The following BOP1 variants were observed in gnomAD, a reference collection of about 807,000 sequenced individuals.
BOP1 encodes the protein BOP1 ribosomal biogenesis factor.
A neutral mutation model predicts 82.9 loss-of-function variants in BOP1; 54 were observed. The observed-to-expected ratio is 0.65, with a 90% confidence interval of 0.52 to 0.82. The LOEUF is 0.82. Among genes scored for constraint, BOP1 ranks in the 40% least tolerant of loss-of-function variants. The probability of loss-of-function intolerance (pLI) is 0.00; values close to 1 mark genes in which losing one functional copy is unlikely to be tolerated. For synonymous variants in BOP1, 566 were observed against 451.1 expected, an observed-to-expected ratio of 1.25 and a Z score of -3.23; for missense variants, 1,170 against 1,072.0, an observed-to-expected ratio of 1.09 and a Z score of -1.28.
At chr8:144,273,073 G>T (rs1398367159) in intron 3 of BOP1, among the ~76,000 whole-genome samples, 13 of 152,136 alleles carry the variant, frequency 8.5e-5, no homozygotes, top group African/African-American at 3.1e-4. Flanking sequence ...TCCACAAGCA[G>T]CGTGGGGAGG....
In BOP1 at chr8:144,262,455, TGGGTACCGC is replaced by T; in HGVS notation, c.2019_2027del (p.Arg674_Pro676del). 1 of 1,612,060 alleles carries T rather than the reference TGGGTACCGC, an allele frequency of 6.2e-7. No individual in the cohort carries two copies. The highest frequency in any genetic ancestry group is 2.2e-5 in the East Asian group (1 of 44,816). Reference sequence around the variant, plus strand: ...CGTCGTCCGAGCCTGACGCAAAGAGTGGGTACCGCGGGTGGAAGGCCACAGCCCGCAGAG... The same window carrying T: ...CGTCGTCCGAGCCTGACGCAAAGAGTGGGTGGAAGGCCACAGCCCGCAGAG... On this transcript the variant is annotated inframe_deletion, in exon 15 of 16. Coordinates refer to ENST00000569669, the MANE Select transcript of BOP1 (RefSeq NM_015201.5).
chr8:144,280,220 G>C (rs1004272603), intron 2 of BOP1, among the ~76,000 whole-genome samples: 1 of 152,244 alleles, frequency 6.6e-6, no homozygotes, highest in African/African-American at 2.4e-5. Flanking sequence ...GCCACAGGCA[G>C]AGGCAAGAGC....
chr8:144,265,266 AC>A, intron 3 of BOP1, 195 bp from the exon 4 acceptor site: 1 of 642,282 alleles, frequency 1.6e-6, no homozygotes, highest in Non-Finnish European at 2.6e-6. Context: ...CGCTGCCCCC[AC>A]CCCCGCCCTC....
At chr8:144,262,789 C>CG in intron 13 of BOP1, 64 bp downstream of exon 13, 1 of 1,184,152 alleles carries the variant, frequency 8.4e-7, no homozygotes, top group Non-Finnish European at 1.1e-6. Flanking sequence ...CACCCCTCAC[C>CG]TGCAGGGTAC....
chr8:144,268,760 G>A (rs1335421215), intron 3 of BOP1, among the ~76,000 whole-genome samples: 5 of 152,214 alleles, frequency 3.3e-5, no homozygotes, highest in Non-Finnish European at 5.9e-5. Context: ...GGCAGAAGAT[G>A]GGGAGGGCGA....
rs886268394 is a variant in BOP1 at position 144,269,254 on chromosome 8, G to T, written c.391-4183C>A. On this transcript the variant is annotated intron_variant, in intron 3 of 15. Coordinates refer to ENST00000569669, the MANE Select transcript of BOP1 (RefSeq NM_015201.5). Reference sequence around the variant, plus strand: ...ATCAGTGGGCACAGAGAGAAGAAGGGCGGTGCTGTGTGGACCACCTCCCCC... The same window carrying T: ...ATCAGTGGGCACAGAGAGAAGAAGGTCGGTGCTGTGTGGACCACCTCCCCC... 7.2e-5 allele frequency among the ~76,000 whole-genome samples: 11 copies of T among 152,352 alleles called. No homozygotes were observed. The South Asian group carries it at 2.3e-3, about 32-fold the overall frequency.
intron 2 of BOP1, among the ~76,000 whole-genome samples, chr8:144,286,750 C>T (rs974355911): frequency 6.6e-5 from 10 of 152,240 alleles, no homozygotes; most frequent in Non-Finnish European, 1.3e-4. Context: ...CCGGCCTTGC[C>T]ACCTCAGGCC....
chr8:144,275,040 C>G (rs1341236781), intron 3 of BOP1, among the ~76,000 whole-genome samples: 1 of 151,504 alleles, frequency 6.6e-6, no homozygotes, highest in Non-Finnish European at 1.5e-5. Context: ...CAGCAGAGAC[C>G]GGATCGGGCG....
At chr8:144,271,614 G>A (rs1468452071) in intron 3 of BOP1, among the ~76,000 whole-genome samples, 1 of 152,124 alleles carries the variant, frequency 6.6e-6, no homozygotes, top group Non-Finnish European at 1.5e-5. Context: ...CAAGGCCAGG[G>A]CGGGAGGCTC....
chr8:144,285,236 C>T (rs763745783), intron 2 of BOP1, among the ~76,000 whole-genome samples: 37 of 152,196 alleles, frequency 2.4e-4, no homozygotes, highest in Non-Finnish European at 1.2e-4. Context: ...GTGAGGCCCT[C>T]GCCCTGCCTG....
intron 13 of BOP1, 41 bp downstream of exon 13, chr8:144,262,812 C>CT: frequency 1.4e-6 from 1 of 702,820 alleles, no homozygotes; most frequent in Non-Finnish European, 2.2e-6. Context: ...CGCCCCCCCC[C>CT]CCACCCCTCA....
intron 1 of BOP1, among the ~76,000 whole-genome samples, chr8:144,290,338 CA>C (rs11353637): frequency 3.7e-4 from 47 of 126,082 alleles, no homozygotes; most frequent in Non-Finnish European, 3.5e-4. Flanking sequence ...GGCTCTGTCT[CA>C]AAAAAAAAAA....
At chr8:144,267,330 G>A in intron 3 of BOP1, 4 of 984,216 alleles carry the variant, frequency 4.1e-6, no homozygotes, top group Non-Finnish European at 4.0e-6. Context: ...GGGGGCTGGG[G>A]CCTTCTCCTG....
chr8:144,273,180 C>T (rs751575254), intron 3 of BOP1, among the ~76,000 whole-genome samples: 1,891 of 152,280 alleles, frequency 0.012, 20 homozygotes, highest in Non-Finnish European at 0.02. Context: ...GGGGGCGGCC[C>T]GGAGGAGCGG....
In BOP1 at chr8:144,264,405, GC is replaced by G; in HGVS notation, c.797del (p.Gly266AlafsTer75). On this transcript the variant is annotated frameshift_variant, in exon 7 of 16. Transcript: ENST00000569669. LOFTEE classifies it high-confidence loss of function. ...VSRMVHAIKM[G>X]WIQPRRPRDP... is the part of the protein sequence containing the mutation. ...CTCGGGGCCGGCGAGGCTGGATCCA[GC>G]CCATCTTGATGGCGTGCACCATGCG... 1.2e-6 allele frequency: 2 copies of G among 1,602,622 alleles called. No individual in the cohort carries two copies. The highest frequency in any genetic ancestry group is 1.7e-6 in the Non-Finnish European group (2 of 1,179,668).
chr8:144,289,175 C>T lies in BOP1; in HGVS notation c.229G>A (p.Gly77Ser). The change falls in exon 2 of 16, where the codon GGC becomes AGC. Residue 77 changes from glycine to serine, a missense_variant. Gly to Ser is a moderately conservative substitution (Grantham distance 56). Transcript: ENST00000569669. ...GSDSSEDDDEGDEEGEDGALD... is the reference protein window; with the variant it reads ...GSDSSEDDDESDEEGEDGALD... Reference sequence around the variant, plus strand: ...GCTCCGTCCTCTCCCTCCTCGTCGCCTTCGTCATCATCCTCACTGCTGTCA... The same window carrying T: ...GCTCCGTCCTCTCCCTCCTCGTCGCTTTCGTCATCATCCTCACTGCTGTCA... The T allele has an allele frequency of 4.3e-6, 7 of 1,614,224 alleles. No individual in the cohort carries two copies. The highest frequency in any genetic ancestry group is 5.9e-6 in the Non-Finnish European group (7 of 1,180,038).
intron 2 of BOP1, among the ~76,000 whole-genome samples, chr8:144,284,118 AAAAACAAAAC>A (rs144569344): frequency 3.4e-4 from 51 of 151,714 alleles, no homozygotes; most frequent in Middle Eastern, 3.4e-3. Flanking sequence ...CTCTGTCTCA[AAAAACAAAAC>A]AAAACAAAAC....
chr8:144,271,436 G>A (rs1454595124), intron 3 of BOP1, among the ~76,000 whole-genome samples: 3 of 151,958 alleles, frequency 2.0e-5, no homozygotes, highest in African/African-American at 4.8e-5. Flanking sequence ...CCCTCGCTCC[G>A]TCTCTCTCTT....
At chr8:144,273,696 G>A (rs1034375070) in intron 3 of BOP1, among the ~76,000 whole-genome samples, 5 of 152,190 alleles carry the variant, frequency 3.3e-5, no homozygotes, top group Admixed American at 6.5e-5. Flanking sequence ...GGGTCCCAGC[G>A]GCTGGATGAG....
Sources: gnomAD v4.1 joint callset for allele counts (sites outside exome capture counted in the v4.1 genomes callset) on GRCh38, gnomAD v4.1.1 for gene constraint, MANE v1.5 for transcripts, NCBI Gene and HGNC (gene_info 2026-07-23, HGNC 2026-07-21) for gene names.